SLC4A3: variants seen among roughly 807,000 people sequenced by gnomAD.
The protein encoded by SLC4A3 is solute carrier family 4 member 3.
In SLC4A3, 47 loss-of-function variants were observed where a neutral mutation model predicts 114.2. The observed-to-expected ratio is 0.41, with a 90% confidence interval of 0.33 to 0.52. The LOEUF is 0.52. SLC4A3 is among the 20% of genes least tolerant of loss of function. The probability of loss-of-function intolerance (pLI) is 0.21; values close to 1 mark genes in which losing one functional copy is unlikely to be tolerated. For missense variants in SLC4A3, 1,312 were observed against 1,668.3 expected, an observed-to-expected ratio of 0.79 and a Z score of 3.72; for synonymous variants, 693 against 710.3, an observed-to-expected ratio of 0.98 and a Z score of 0.39.
In SLC4A3 at chr2:219,628,034, C is replaced by T. The variant is rs372157272; in HGVS notation, c.42C>T (p.Pro14=). Residue 14 remains proline, a synonymous_variant, in exon 2 of 23, where the codon CCC becomes CCT. Transcript: ENST00000358055. This position sits in a 1 kb window ranked among gnomAD's most constrained non-coding sequence, Gnocchi z 4.8. The part of the protein sequence containing the change: ...GVIPPPGGAS[P]LPQVRVPLEE... ...TCCCGCCGCCCGGGGGCGCCTCCCC[C>T]CTACCCCAGGTGATCGGCGCGCGCG... The T allele has an allele frequency of 1.3e-6, 2 of 1,578,502 alleles. No individual in the cohort carries two copies. Among genetic ancestry groups the T allele is most frequent in the African/African-American group, 1.4e-5 (1 of 73,132 alleles).
At position 219,639,806 on chromosome 2, in the gene SLC4A3, G is replaced by A; in HGVS notation, c.3277+71G>A. On this transcript the variant is annotated intron_variant, in intron 20 of 22. Coordinates refer to ENST00000358055, the MANE Select transcript of SLC4A3 (RefSeq NM_005070.4). This position sits in a 1 kb window ranked among gnomAD's most constrained non-coding sequence, Gnocchi z 5.9. ...CGGTCTTACATCTTCACTATCCCAGGCTTGACCCTGAATCTCCCAATGTGC... is the reference window on the plus strand; with the variant it reads ...CGGTCTTACATCTTCACTATCCCAGACTTGACCCTGAATCTCCCAATGTGC... The A allele has an allele frequency of 1.3e-6, 2 of 1,558,464 alleles. No homozygotes were observed. The highest frequency in any genetic ancestry group is 2.3e-5 in the East Asian group (1 of 43,880).
At chr2:219,634,734 G>A in intron 12 of SLC4A3, 130 bp downstream of exon 12, 3 of 975,956 alleles carry the variant, frequency 3.1e-6, no homozygotes, top group South Asian at 1.7e-5. Context: ...GCCCTGGAGG[G>A]TGGTGGGGGG....
Position 219,628,049 on chromosome 2 carries a change from C to A in SLC4A3, c.51+6C>A, listed in dbSNP as rs1055974931. 3.2e-6 allele frequency: 5 copies of A among 1,557,438 alleles called. No homozygotes were observed. The highest frequency in any genetic ancestry group is 4.3e-6 in the Non-Finnish European group (5 of 1,154,766). On this transcript the variant is annotated splice_donor_region_variant and intron_variant, in intron 2 of 22. Coordinates refer to ENST00000358055, the MANE Select transcript of SLC4A3 (RefSeq NM_005070.4). The surrounding 1 kb of genome is among the most constrained non-coding windows in gnomAD (Gnocchi z 4.8). ...GCGCCTCCCCCCTACCCCAGGTGATCGGCGCGCGCGGGGGCGGGGGAGAGA... is the reference window on the plus strand; with the variant it reads ...GCGCCTCCCCCCTACCCCAGGTGATAGGCGCGCGCGGGGGCGGGGGAGAGA...
chr2:219,638,112 T>G lies in SLC4A3; in HGVS notation c.2767-52T>G. ...AGAGATGGCAAGCCCCGTGTTAGTCTGCTGACCTTGCCTCCACCTTTTGCT... is the reference window on the plus strand; with the variant it reads ...AGAGATGGCAAGCCCCGTGTTAGTCGGCTGACCTTGCCTCCACCTTTTGCT... On this transcript the variant is annotated intron_variant, in intron 17 of 22. Coordinates refer to ENST00000358055, the MANE Select transcript of SLC4A3 (RefSeq NM_005070.4). This position sits in a 1 kb window ranked among gnomAD's most constrained non-coding sequence, Gnocchi z 7.5. 7.0e-7 allele frequency: 1 copy of G among 1,427,716 alleles called. No individual in the cohort carries two copies. The highest frequency in any genetic ancestry group is 2.4e-5 in the East Asian group (1 of 41,600). The allele number at this position is 1,427,716 out of a possible 1,614,324, so 88.4% of individuals were successfully genotyped here.
chr2:219,640,392 T>A (rs1249809190), intron 20 of SLC4A3, 38 bp from the exon 21 acceptor site: 1 of 1,589,834 alleles, frequency 6.3e-7, no homozygotes, highest in Non-Finnish European at 8.6e-7. Context: ...TCACGGGGGC[T>A]GTCTGAGGGT....
Position 219,629,493 on chromosome 2 carries a change from G to C in SLC4A3, c.495+72G>C, listed in dbSNP as rs1196102565. 3.1e-6 allele frequency: 5 copies of C among 1,592,640 alleles called. No individual in the cohort carries two copies. In the South Asian group the frequency reaches 5.5e-5, roughly 18 times the overall value. ...GGTACAGAGAGGAGGAGAGGAGTGC[G>C]TGTTGGGGGCCTGTGTGAGGCTGGG... On this transcript the variant is annotated intron_variant, in intron 4 of 22. Transcript: ENST00000358055.
Position 219,631,275 on chromosome 2 carries a change from G to A in SLC4A3, c.812-693G>A, listed in dbSNP as rs945795759. 1.5e-6 allele frequency: 2 copies of A among 1,294,442 alleles called. No homozygotes were observed. The highest frequency in any genetic ancestry group is 1.1e-4 in the East Asian group (2 of 17,812). The allele number at this position is 1,294,442 out of a possible 1,614,324, so 80.2% of individuals were successfully genotyped here. ...ACTGGAGAAGGACCCTGAGCCCAAT[G>A]GGGCACTGAGCCCTGGGCCTGGGGA... On this transcript the variant is annotated intron_variant, in intron 6 of 22. Coordinates refer to ENST00000358055, the MANE Select transcript of SLC4A3 (RefSeq NM_005070.4). This position sits in a 1 kb window ranked among gnomAD's most constrained non-coding sequence, Gnocchi z 6.3.
chr2:219,640,954 C>T lies in SLC4A3; in HGVS notation c.3613C>T (p.Leu1205=). The T allele has an allele frequency of 6.2e-7, 1 of 1,605,738 alleles. No individual in the cohort carries two copies. Among genetic ancestry groups the T allele is most frequent in the South Asian group, 1.1e-5 (1 of 91,052 alleles). ...LLPRLFQDRE[L]QALDSEDAEP... is the part of the protein sequence containing the mutation. The stretch of plus-strand genomic sequence containing the variant: ...GCCCCGGCTCTTCCAGGACAGGGAG[C>T]TGCAGGCGGTAAGGGGGTGGTGGTC... Residue 1205 remains leucine, a synonymous_variant, in exon 22 of 23, where the codon CTG becomes TTG. Coordinates refer to ENST00000358055, the MANE Select transcript of SLC4A3 (RefSeq NM_005070.4).
chr2:219,634,661 C>T (rs1177525997), intron 12 of SLC4A3, 57 bp downstream of exon 12: 2 of 1,557,986 alleles, frequency 1.3e-6, no homozygotes, highest in Non-Finnish European at 8.7e-7. Context: ...TACCCCTGTC[C>T]CTCATTGTCC....
rs1387143653 is a variant in SLC4A3, at chr2:219,641,604, G to A, written c.3622-47G>A. ...GAGGAGGAGCTGGAGAATGGGAGGG[G>A]ACGAGCATGCTTCCCTGCCTTCCCC... On this transcript the variant is annotated intron_variant, in intron 22 of 22. Coordinates refer to ENST00000358055, the MANE Select transcript of SLC4A3 (RefSeq NM_005070.4). The surrounding 1 kb of genome is among the most constrained non-coding windows in gnomAD (Gnocchi z 4.0). 1 of 1,471,710 alleles carries A rather than the reference G, an allele frequency of 6.8e-7. No individual in the cohort carries two copies. Among genetic ancestry groups the A allele is most frequent in the East Asian group, 2.3e-5 (1 of 44,214 alleles). 91.2% of individuals were successfully genotyped at this position (1,471,710 alleles called of 1,614,324 possible).
In SLC4A3 at chr2:219,630,294, GCC is replaced by G; in HGVS notation, c.755_756del (p.Pro252HisfsTer3). ...GNPGGPEQQV[P>X]TDEAEAQMLG... ...ACCCAGGTGGTCCAGAGCAGCAGGT[GCC>G]CACAGATGAGGCGGAGGCCCAGATG... is the stretch of plus-strand genomic sequence containing the variant. On this transcript the variant is annotated frameshift_variant, in exon 6 of 23. Transcript: ENST00000358055. LOFTEE classifies it high-confidence loss of function. This position sits in a 1 kb window ranked among gnomAD's most constrained non-coding sequence, Gnocchi z 6.9. 1 of 1,613,088 alleles carries G rather than the reference GCC, an allele frequency of 6.2e-7. No homozygotes were observed. Among genetic ancestry groups the G allele is most frequent in the Non-Finnish European group, 8.5e-7 (1 of 1,179,758 alleles).
Position 219,632,055 on chromosome 2 carries a change from G to T in SLC4A3, c.899G>T (p.Gly300Val), listed in dbSNP as rs1421480275. The change falls in exon 7 of 23, where the codon GGC (glycine) becomes GTC (valine). Residue 300 changes from glycine to valine, a missense_variant. Gly to Val is a moderately radical substitution (Grantham distance 109). Coordinates refer to ENST00000358055, the MANE Select transcript of SLC4A3 (RefSeq NM_005070.4). ...CAGGGCGGGAGGGGCAGTCCCAGCG[G>T]CCTGGCCCCCATCCTTCGCAGGAAG... ...RTQGGRGSPS[G>V]LAPILRRKKK... 1.2e-6 allele frequency: 2 copies of T among 1,613,958 alleles called. No homozygotes were observed. Among genetic ancestry groups the T allele is most frequent in the Non-Finnish European group, 1.7e-6 (2 of 1,179,974 alleles).
chr2:219,637,637 G>A lies in SLC4A3; in HGVS notation c.2592G>A (p.Gly864=). ...PFYPPEGALE[G]SLDAGLEPNG... ...ACCCCCCTGAGGGGGCCCTGGAGGG[G>A]TCCCTGGATGCTGGTCTGGAGCCAA... Residue 864 remains glycine (G), a synonymous_variant, in exon 17 of 23, where the codon GGG becomes GGA. Coordinates refer to ENST00000358055, the MANE Select transcript of SLC4A3 (RefSeq NM_005070.4). The surrounding 1 kb of genome is among the most constrained non-coding windows in gnomAD (Gnocchi z 4.6). 6.2e-7 allele frequency: 1 copy of A among 1,613,156 alleles called. No individual in the cohort carries two copies. Among genetic ancestry groups the A allele is most frequent in the Non-Finnish European group, 8.5e-7 (1 of 1,179,290 alleles).
In SLC4A3 at chr2:219,638,376, G is replaced by A; in HGVS notation, c.2856+123G>A. The A allele has an allele frequency of 1.3e-6, 1 of 798,458 alleles. No homozygotes were observed. 49.5% of individuals were successfully genotyped at this position (798,458 alleles called of 1,614,324 possible). Reference sequence around the variant, plus strand: ...TGAACTCAACTTTCCCAGTGGAGTGGCCGCCCTGGGGGCTGAGGGCCTTCC... The same window carrying A: ...TGAACTCAACTTTCCCAGTGGAGTGACCGCCCTGGGGGCTGAGGGCCTTCC... On this transcript the variant is annotated intron_variant, in intron 18 of 22. Transcript: ENST00000358055. The surrounding 1 kb of genome is among the most constrained non-coding windows in gnomAD (Gnocchi z 7.5).
At chr2:219,634,715 G>A in intron 12 of SLC4A3, 111 bp downstream of exon 12, 1 of 1,160,136 alleles carries the variant, frequency 8.6e-7, no homozygotes, top group Non-Finnish European at 1.2e-6. Context: ...GCCCCTGGGT[G>A]GAGGCCATGC....
In SLC4A3 at chr2:219,640,808, A is replaced by C; in HGVS notation, c.3467A>C (p.His1156Pro). The change falls in exon 22 of 23, where the codon CAT becomes CCT. Residue 1156 changes from histidine to proline, a missense_variant. Physicochemically the swap from His to Pro is moderately conservative, Grantham distance 77. Transcript: ENST00000358055. ...YVTKVKTWRM[H>P]LFTCIQLGCI... Reference sequence around the variant, plus strand: ...CCCTAGGTGAAGACGTGGCGGATGCATCTGTTCACCTGCATCCAGCTGGGC... The same window carrying C: ...CCCTAGGTGAAGACGTGGCGGATGCCTCTGTTCACCTGCATCCAGCTGGGC... The C allele has an allele frequency of 6.2e-7, 1 of 1,612,012 alleles. No homozygotes were observed. The highest frequency in any genetic ancestry group is 8.5e-7 in the Non-Finnish European group (1 of 1,179,894).
rs1699184724 is a variant in SLC4A3 at position 219,637,886 on chromosome 2, C to A, written c.2766+75C>A. The A allele has an allele frequency of 5.6e-6, 7 of 1,241,986 alleles. No individual in the cohort carries two copies. Among genetic ancestry groups the A allele is most frequent in the Non-Finnish European group, 8.2e-6 (7 of 851,486 alleles). The allele number at this position is 1,241,986 out of a possible 1,614,324, so 76.9% of individuals were successfully genotyped here. On this transcript the variant is annotated intron_variant, in intron 17 of 22. Transcript: ENST00000358055. The surrounding 1 kb of genome is among the most constrained non-coding windows in gnomAD (Gnocchi z 4.6). The stretch of plus-strand genomic sequence containing the variant: ...GTAGGAGCTCCCCAGAGAGGCTGCA[C>A]CCCTTCCCCGGTCAGCCCATGGACC...
rs1420196878 is a variant in SLC4A3, at chr2:219,641,449, C to T, written c.3622-202C>T. Among the ~76,000 whole-genome samples the T allele has an allele frequency of 6.6e-6, 1 of 152,074 alleles. No individual in the cohort carries two copies. Among genetic ancestry groups the T allele is most frequent in the African/African-American group, 2.4e-5 (1 of 41,396 alleles). ...TAATAATAATCATTATTATTATCAC[C>T]AGGAGGGGCCAGGTATCTGGTCTGG... On this transcript the variant is annotated intron_variant, in intron 22 of 22. Coordinates refer to ENST00000358055, the MANE Select transcript of SLC4A3 (RefSeq NM_005070.4). This position sits in a 1 kb window ranked among gnomAD's most constrained non-coding sequence, Gnocchi z 4.0.
intron 12 of SLC4A3, among the ~76,000 whole-genome samples, chr2:219,635,069 C>A (rs931107097): frequency 6.6e-6 from 1 of 152,140 alleles, no homozygotes; most frequent in African/African-American, 2.4e-5. Context: ...ATGGAGGGCA[C>A]CTGGGGCTTT....
Sources: gnomAD v4.1 joint callset for allele counts (sites outside exome capture counted in the v4.1 genomes callset) on GRCh38, gnomAD v4.1.1 for gene constraint, Gnocchi (gnomAD v3.1) non-coding constraint, MANE v1.5 for transcripts, NCBI Gene and HGNC (gene_info 2026-07-23, HGNC 2026-07-21) for gene names.